The following CAMKMT variants were observed in gnomAD, a reference collection of about 807,000 sequenced individuals.
CAMKMT encodes the protein CaM KMT.
In CAMKMT, 53 loss-of-function variants were observed where a neutral mutation model predicts 48.0. The ratio of observed to expected loss-of-function variants is 1.10; its 90% CI spans 0.89 to 1.39. The LOEUF (loss-of-function observed/expected upper bound fraction) is 1.39, where lower values mean the gene tolerates loss of function less well. Ranked by LOEUF, CAMKMT falls within the 40% of genes most tolerant of loss-of-function variation. CAMKMT has a pLI of 0.00. For synonymous variants in CAMKMT, 165 were observed against 152.3 expected, an observed-to-expected ratio of 1.08 and a Z score of -0.61; for missense variants, 428 against 402.7, an observed-to-expected ratio of 1.06 and a Z score of -0.54.
intron 3 of CAMKMT, among the ~76,000 whole-genome samples, chr2:44,463,474 G>C (rs1294806199): frequency 1.3e-5 from 2 of 152,136 alleles, no homozygotes; most frequent in African/African-American, 4.8e-5. Flanking sequence ...GCCTTGAGAG[G>C]AAAACAGAAA....
At chr2:44,615,352 G>T (rs1457762530) in intron 3 of CAMKMT, among the ~76,000 whole-genome samples, 1 of 152,170 alleles carries the variant, frequency 6.6e-6, no homozygotes, top group East Asian at 1.9e-4. Context: ...TGGGGCCGGG[G>T]AAGAGCAATA....
At chr2:44,410,676 C>G (rs760494903) in intron 3 of CAMKMT, among the ~76,000 whole-genome samples, 2 of 152,032 alleles carry the variant, frequency 1.3e-5, no homozygotes, top group Non-Finnish European at 2.9e-5. Context: ...GTTGCCTGTT[C>G]TTTAATATGC....
chr2:44,666,795 A>G (rs1238063790), intron 3 of CAMKMT, among the ~76,000 whole-genome samples: 1 of 152,150 alleles, frequency 6.6e-6, no homozygotes, highest in African/African-American at 2.4e-5. Context: ...TTTTTAGTAA[A>G]GATGGGATTT....
chr2:44,771,126 G>A lies in CAMKMT; in HGVS notation c.895-910G>A, dbSNP rs141949867. Among the ~76,000 whole-genome samples the A allele has an allele frequency of 6.4e-4, 98 of 152,244 alleles. 1 individual carries two copies. Among genetic ancestry groups the A allele is most frequent in the East Asian group, 4.2e-3 (22 of 5,186 alleles). On this transcript the variant is annotated intron_variant, in intron 10 of 10. Transcript: ENST00000378494. ...GACCAACCTGGGAGAGTGTGATGTT[G>A]AGGCCATTCATTTTGCTTTAGGGTG...
At chr2:44,683,746 C>CCAGGAG (rs1369107818) in intron 3 of CAMKMT, among the ~76,000 whole-genome samples, 1 of 140,446 alleles carries the variant, frequency 7.1e-6, no homozygotes, top group Non-Finnish European at 1.5e-5. Flanking sequence ...GGGCGTGAAC[C>CCAGGAG]CAGGAGGCAG....
Position 44,602,160 on chromosome 2 carries a change from C to T in CAMKMT, c.377-102123C>T, listed in dbSNP as rs1469129256. Among the ~76,000 whole-genome samples, 5 of 152,080 alleles carry T rather than the reference C, an allele frequency of 3.3e-5. No individual in the cohort carries two copies. In the East Asian group the frequency reaches 9.7e-4, roughly 29 times the overall value. On this transcript the variant is annotated intron_variant, in intron 3 of 10. Coordinates refer to ENST00000378494, the MANE Select transcript of CAMKMT (RefSeq NM_024766.5). ...AGCTGGGACTACAGGTGCACACCCC[C>T]ACACCTGGCTGATTTTTGTGTTTTT...
chr2:44,499,382 G>T (rs1357688223), intron 3 of CAMKMT, among the ~76,000 whole-genome samples: 1 of 152,118 alleles, frequency 6.6e-6, no homozygotes, highest in East Asian at 1.9e-4. Flanking sequence ...CAGTACAGTT[G>T]TTTGATCATT....
intron 3 of CAMKMT, among the ~76,000 whole-genome samples, chr2:44,562,367 C>G (rs1668366940): frequency 6.6e-6 from 1 of 152,130 alleles, no homozygotes; most frequent in Non-Finnish European, 1.5e-5. Flanking sequence ...GAAGCATAAC[C>G]ATTAACAACA....
At chr2:44,465,969 C>T (rs563351954) in intron 3 of CAMKMT, among the ~76,000 whole-genome samples, 1 of 152,280 alleles carries the variant, frequency 6.6e-6, no homozygotes, top group East Asian at 1.9e-4. Flanking sequence ...AGGATCAGTT[C>T]TCCAGGAACT....
chr2:44,686,023 T>A (rs903039210), intron 3 of CAMKMT, among the ~76,000 whole-genome samples: 6 of 152,160 alleles, frequency 3.9e-5, no homozygotes, highest in Non-Finnish European at 8.8e-5. Context: ...ATGATAGTAT[T>A]GTCCTTTAAG....
chr2:44,689,897 G>T lies in CAMKMT; in HGVS notation c.377-14386G>T, dbSNP rs566495055. Among the ~76,000 whole-genome samples, 19 of 152,334 alleles carry T rather than the reference G, an allele frequency of 1.2e-4. No individual in the cohort carries two copies. In the South Asian group the frequency reaches 3.9e-3, roughly 32 times the overall value. ...AAATTCTTCTGAGGAAAAAAATACA[G>T]CAGAGAGCTGTGCTCAATATTGGAG... On this transcript the variant is annotated intron_variant, in intron 3 of 10. Transcript: ENST00000378494.
chr2:44,697,253 G>A (rs1243445706), intron 3 of CAMKMT, among the ~76,000 whole-genome samples: 3 of 152,024 alleles, frequency 2.0e-5, no homozygotes, highest in Admixed American at 6.6e-5. Context: ...ACTGGAGGAC[G>A]TGTTACACTA....
chr2:44,685,201 T>C (rs1412990612), intron 3 of CAMKMT, among the ~76,000 whole-genome samples: 4 of 152,132 alleles, frequency 2.6e-5, no homozygotes, highest in Non-Finnish European at 5.9e-5. Context: ...CAAAGTATGA[T>C]TGATTTTTGC....
At chr2:44,672,500 A>G (rs1675390046) in intron 3 of CAMKMT, among the ~76,000 whole-genome samples, 1 of 152,042 alleles carries the variant, frequency 6.6e-6, no homozygotes, top group Non-Finnish European at 1.5e-5. Context: ...TACCCCAACT[A>G]TTTGTACCAT....
chr2:44,652,364 T>A (rs1674119690), intron 3 of CAMKMT, among the ~76,000 whole-genome samples: 1 of 152,218 alleles, frequency 6.6e-6, no homozygotes. Context: ...CTGTTCCTTG[T>A]TCCTGGTGGG....
intron 3 of CAMKMT, among the ~76,000 whole-genome samples, chr2:44,647,948 A>G (rs1673839017): frequency 6.6e-6 from 1 of 150,910 alleles, no homozygotes; most frequent in Non-Finnish European, 1.5e-5. Context: ...ATGAACAGCA[A>G]TGATTGCCTG....
chr2:44,374,117 C>CAA (rs59922847), intron 2 of CAMKMT, among the ~76,000 whole-genome samples: 1,398 of 66,354 alleles, frequency 0.021, 101 homozygotes, highest in African/African-American at 0.075. Context: ...GACTCTGCCT[C>CAA]AAAAAAAAAA....
chr2:44,633,737 C>T (rs1672970827), intron 3 of CAMKMT, among the ~76,000 whole-genome samples: 1 of 151,752 alleles, frequency 6.6e-6, no homozygotes, highest in African/African-American at 2.4e-5. Context: ...CTTCTGAGTC[C>T]ACTTCTATGG....
chr2:44,735,897 C>CAAACAAAACAAAACA (rs57656418), intron 7 of CAMKMT, among the ~76,000 whole-genome samples: 28 of 149,700 alleles, frequency 1.9e-4, no homozygotes, highest in Non-Finnish European at 2.8e-4. Flanking sequence ...TGCTCTGTCT[C>CAAACAAAACAAAACA]AAACAAAACA....
Sources: allele counts gnomAD v4.1 joint callset (sites outside exome capture counted in the v4.1 genomes callset), GRCh38; gene constraint gnomAD v4.1.1; transcripts MANE v1.5; gene names NCBI Gene and HGNC (gene_info 2026-07-23, HGNC 2026-07-21).